The following SEC24B variants were observed in gnomAD, a reference collection of about 807,000 sequenced individuals.
The protein encoded by SEC24B is protein transport protein Sec24B.
A neutral mutation model predicts 142.8 loss-of-function variants in SEC24B; 45 were observed. That is an observed-to-expected ratio of 0.32 (90% CI 0.25 to 0.40). The LOEUF is 0.40. Ranked by LOEUF, SEC24B falls within the 10% of genes least tolerant of loss-of-function variation. The probability of loss-of-function intolerance (pLI) is 1.00; values close to 1 mark genes in which losing one functional copy is unlikely to be tolerated. For synonymous variants in SEC24B, 574 were observed against 568.2 expected (o/e 1.01, Z -0.15); for missense variants, 1,409 against 1,526.8 (o/e 0.92, Z 1.29).
rs775716874 is a variant in SEC24B at position 109,539,681 on chromosome 4, A to G, written c.*6A>G. On this transcript the variant is annotated 3_prime_UTR_variant, in exon 24 of 24. Coordinates refer to ENST00000265175, the MANE Select transcript of SEC24B (RefSeq NM_006323.5). ...AGCAGCAGATTTGTAAGTGAAGTAG[A>G]ATAAAATTGAATAAGAAAAAGATCT... is the stretch of plus-strand genomic sequence containing the variant. 1.3e-6 allele frequency: 2 copies of G among 1,526,198 alleles called. No homozygotes were observed. Among genetic ancestry groups the G allele is most frequent in the Non-Finnish European group, 9.1e-7 (1 of 1,102,920 alleles). 94.5% of individuals were successfully genotyped at this position (1,526,198 alleles called of 1,614,324 possible).
Position 109,539,571 on chromosome 4 carries a change from C to G in SEC24B, c.3703C>G (p.Pro1235Ala), listed in dbSNP as rs950199409. 2 of 1,611,284 alleles carry G rather than the reference C, an allele frequency of 1.2e-6. No homozygotes were observed. The highest frequency in any genetic ancestry group is 1.7e-6 in the Non-Finnish European group (2 of 1,177,664). The change falls in exon 24 of 24, where the codon CCT becomes GCT. Residue 1235 changes from proline to alanine, a missense_variant. This residue lies in a region of SEC24B where 700 missense variants were observed against 853.3 expected (regional missense o/e 0.82). Coordinates refer to ENST00000265175, the MANE Select transcript of SEC24B (RefSeq NM_006323.5). ...TTTTCTTTCTTCCAGAGATGAGAGT[C>G]CTGCCAAAGCAGAATTTTTTCAGCA... The part of the protein sequence containing the change: ...PILHIVKDES[P>A]AKAEFFQHLI...
At position 109,439,474 on chromosome 4, in the gene SEC24B, ATTTTTTTTTTTTTTTTTTTTTTTTTTTT is replaced by A. The variant is rs70949077; in HGVS notation, c.133+5490_133+5517del. ...GAATACATAATTTCCTCCTAAGCTGATTTTTTTTTTTTTTTTTTTTTTTTTTTTTTTTTTTTTTTTTTTTTGAGACTGA... is the reference window on the plus strand; with the variant it reads ...GAATACATAATTTCCTCCTAAGCTGATTTTTTTTTTTTTTTTTGAGACTGA... On this transcript the variant is annotated intron_variant, in intron 1 of 23. Coordinates refer to ENST00000265175, the MANE Select transcript of SEC24B (RefSeq NM_006323.5). Among the ~76,000 whole-genome samples the A allele has an allele frequency of 4.9e-3, 216 of 44,006 alleles. 8 individuals carry two copies. In the East Asian group the frequency reaches 0.11, roughly 23 times the overall value. The allele number at this position is 44,006 out of a possible 152,430, so 28.9% of individuals were successfully genotyped here.
chr4:109,460,872 AC>A (rs886744740), intron 1 of SEC24B, among the ~76,000 whole-genome samples: 2 of 151,812 alleles, frequency 1.3e-5, no homozygotes, highest in African/African-American at 4.8e-5. Context: ...AAAGTATAAA[AC>A]ACTAGAGTAA....
intron 10 of SEC24B, among the ~76,000 whole-genome samples, chr4:109,514,693 G>A (rs958073665): frequency 5.9e-5 from 9 of 152,152 alleles, no homozygotes; most frequent in African/African-American, 1.2e-4. Flanking sequence ...GGAAGACTCC[G>A]TCTCAAAAAC....
chr4:109,448,699 CT>C (rs1238308117), intron 1 of SEC24B, among the ~76,000 whole-genome samples: 5 of 152,158 alleles, frequency 3.3e-5, no homozygotes, highest in African/African-American at 1.2e-4. Flanking sequence ...TCCCAAAGTG[CT>C]GGGATTACAG....
chr4:109,453,818 A>G (rs72672677), intron 1 of SEC24B, among the ~76,000 whole-genome samples: 5,528 of 152,252 alleles, frequency 0.036, 150 homozygotes, highest in Non-Finnish European at 0.055. Flanking sequence ...CACAATTTAT[A>G]TTCTTCTGTC....
At chr4:109,440,969 C>T (rs962308097) in intron 1 of SEC24B, among the ~76,000 whole-genome samples, 10 of 152,118 alleles carry the variant, frequency 6.6e-5, no homozygotes, top group Admixed American at 2.6e-4. Context: ...CCCTTATGTC[C>T]GCAAATGCAT....
intron 2 of SEC24B, among the ~76,000 whole-genome samples, chr4:109,470,478 A>G (rs1732399355): frequency 6.6e-6 from 1 of 152,338 alleles, no homozygotes; most frequent in East Asian, 1.9e-4. Context: ...GATACTGGAC[A>G]AAGAGACTAG....
intron 1 of SEC24B, among the ~76,000 whole-genome samples, chr4:109,446,722 A>G (rs1222886146): frequency 6.6e-6 from 1 of 152,204 alleles, no homozygotes; most frequent in Non-Finnish European, 1.5e-5. Flanking sequence ...TATGGTATAA[A>G]TTATTTTACA....
intron 15 of SEC24B, among the ~76,000 whole-genome samples, 184 bp downstream of exon 15, chr4:109,525,125 T>C (rs189584898): frequency 6.6e-5 from 10 of 152,238 alleles, no homozygotes; most frequent in Non-Finnish European, 1.2e-4. Context: ...GTCACTTGTA[T>C]TTTGTTTAGA....
intron 22 of SEC24B, 25 bp downstream of exon 22, chr4:109,533,710 A>G (rs1379834960): frequency 9.8e-6 from 13 of 1,328,056 alleles, no homozygotes; most frequent in Non-Finnish European, 9.6e-6. Context: ...TACACCTTTA[A>G]CTTTTTGTTT....
intron 1 of SEC24B, among the ~76,000 whole-genome samples, chr4:109,449,672 C>G (rs1434177451): frequency 6.6e-6 from 1 of 152,074 alleles, no homozygotes; most frequent in Non-Finnish European, 1.5e-5. Flanking sequence ...AGAGATCTCT[C>G]TCTTCTTTTT....
intron 6 of SEC24B, among the ~76,000 whole-genome samples, chr4:109,500,413 G>A (rs897648803): frequency 1.5e-4 from 23 of 151,582 alleles, no homozygotes; most frequent in African/African-American, 4.4e-4. Flanking sequence ...GCATTGTGGC[G>A]AGTGCCTGTA....
chr4:109,476,029 C>T, intron 3 of SEC24B, among the ~76,000 whole-genome samples: 1 of 150,592 alleles, frequency 6.6e-6, no homozygotes, highest in East Asian at 1.9e-4. Context: ...CTCTGTCACC[C>T]AGGCTGGAGT....
At chr4:109,517,947 G>A (rs34320981) in intron 11 of SEC24B, among the ~76,000 whole-genome samples, 6,205 of 133,548 alleles carry the variant, frequency 0.046, 401 homozygotes, top group African/African-American at 0.17. Context: ...TTGTTTGTTT[G>A]TTTATTTATT....
At chr4:109,445,083 C>T (rs928004280) in intron 1 of SEC24B, among the ~76,000 whole-genome samples, 1 of 152,016 alleles carries the variant, frequency 6.6e-6, no homozygotes, top group African/African-American at 2.4e-5. Flanking sequence ...GCCACTACAC[C>T]TATCTAATTT....
intron 22 of SEC24B, among the ~76,000 whole-genome samples, chr4:109,538,002 G>T (rs1021836672): frequency 2.2e-4 from 34 of 151,994 alleles, no homozygotes; most frequent in Non-Finnish European, 4.3e-4. Flanking sequence ...ATAGTCTCGC[G>T]TATAGTTTTA....
At chr4:109,461,877 G>T (rs1393400764) in intron 1 of SEC24B, among the ~76,000 whole-genome samples, 1 of 152,172 alleles carries the variant, frequency 6.6e-6, no homozygotes, top group Non-Finnish European at 1.5e-5. Flanking sequence ...GGGAGGTTGA[G>T]GGAGGAGAGT....
chr4:109,440,614 C>T (rs1253319931), intron 1 of SEC24B, among the ~76,000 whole-genome samples: 1 of 152,154 alleles, frequency 6.6e-6, no homozygotes, highest in Non-Finnish European at 1.5e-5. Context: ...ACCTTTCTTA[C>T]AGAGTTGTTT....
Sources: allele counts gnomAD v4.1 joint callset (sites outside exome capture counted in the v4.1 genomes callset), GRCh38; gene constraint gnomAD v4.1.1; regional missense constraint gnomAD v4.1.1; transcripts MANE v1.5; gene names NCBI Gene and HGNC (gene_info 2026-07-23, HGNC 2026-07-21).